Variants in CADM2 observed in about 807,000 individuals in gnomAD.
CADM2 encodes the protein immunoglobulin superfamily member 4D.
A neutral mutation model predicts 49.8 loss-of-function variants in CADM2; 12 were observed. The ratio of observed to expected loss-of-function variants is 0.24; its 90% CI spans 0.15 to 0.39. The LOEUF (loss-of-function observed/expected upper bound fraction) is 0.39, where lower values mean the gene tolerates loss of function less well. CADM2 is among the 10% of genes least tolerant of loss of function. The pLI is 1.00. For missense variants in CADM2, 378 were observed against 492.3 expected (o/e 0.77, Z 2.20); for synonymous variants, 214 against 175.4 (o/e 1.22, Z -1.74).
intron 1 of CADM2, among the ~76,000 whole-genome samples, chr3:85,436,169 A>G (rs2036919983): frequency 6.6e-6 from 1 of 151,976 alleles, no homozygotes; most frequent in African/African-American, 2.4e-5. Context: ...TAAGTATTTT[A>G]TTCTCTTTGT....
At chr3:85,207,882 C>T (rs2041688196) in intron 1 of CADM2, among the ~76,000 whole-genome samples, 1 of 152,076 alleles carries the variant, frequency 6.6e-6, no homozygotes, top group Non-Finnish European at 1.5e-5. Context: ...CATAAGAAAG[C>T]CCTCCTGTTT....
At chr3:84,982,462 A>G (rs12163548) in intron 1 of CADM2, among the ~76,000 whole-genome samples, 1 of 151,842 alleles carries the variant, frequency 6.6e-6, no homozygotes, top group African/African-American at 2.4e-5. Context: ...GTATTTCTAC[A>G]AAGAAGGTAC....
intron 5 of CADM2, among the ~76,000 whole-genome samples, chr3:85,898,955 ATTTTTTTTTTTTTTTT>A (rs35857247): frequency 2.9e-5 from 1 of 33,908 alleles, no homozygotes; most frequent in Non-Finnish European, 4.8e-5. Flanking sequence ...ATATATATAT[ATTTTTTTTTTTTTTTT>A]TTTTTTTTTT....
intron 1 of CADM2, among the ~76,000 whole-genome samples, chr3:85,591,649 G>A (rs2063111647): frequency 6.6e-6 from 1 of 151,974 alleles, no homozygotes; most frequent in African/African-American, 2.4e-5. Flanking sequence ...TAATAATGCA[G>A]CAGGGAAGGC....
chr3:85,134,527 C>T (rs1415405005), intron 1 of CADM2, among the ~76,000 whole-genome samples: 1 of 152,136 alleles, frequency 6.6e-6, no homozygotes, highest in African/African-American at 2.4e-5. Context: ...CATACTTAAC[C>T]ACAGTTTTTG....
intron 1 of CADM2, among the ~76,000 whole-genome samples, chr3:85,444,957 A>C (rs1034919657): frequency 6.6e-6 from 1 of 152,142 alleles, no homozygotes; most frequent in African/African-American, 2.4e-5. Context: ...TTTTTAGAAC[A>C]GTGTCTAGAG....
intron 1 of CADM2, among the ~76,000 whole-genome samples, chr3:85,327,593 A>ACAC (rs2044790805): frequency 3.4e-5 from 5 of 146,446 alleles, no homozygotes; most frequent in East Asian, 2.0e-4. Flanking sequence ...CACACACCAC[A>ACAC]CACACACACA....
intron 3 of CADM2, among the ~76,000 whole-genome samples, chr3:85,881,447 G>GT (rs558074925): frequency 6.6e-5 from 10 of 151,866 alleles, no homozygotes; most frequent in Admixed American, 3.3e-4. Flanking sequence ...TGACTAGTAA[G>GT]TTTTTTTTAT....
At chr3:85,055,538 C>G (rs1236990973) in intron 1 of CADM2, among the ~76,000 whole-genome samples, 1 of 152,010 alleles carries the variant, frequency 6.6e-6, no homozygotes, top group Non-Finnish European at 1.5e-5. Context: ...TGGCAATTCT[C>G]TTACACATTT....
intron 1 of CADM2, among the ~76,000 whole-genome samples, chr3:85,267,695 A>G (rs2043151913): frequency 6.6e-6 from 1 of 151,632 alleles, no homozygotes; most frequent in Admixed American, 6.6e-5. Context: ...TGAACTAATA[A>G]TATGCCTGAT....
chr3:85,657,735 TATATACAG>T (rs1230469974), intron 1 of CADM2, among the ~76,000 whole-genome samples: 61 of 128,154 alleles, frequency 4.8e-4, no homozygotes, highest in South Asian at 1.0e-3. Context: ...TACAGATATA[TATATACAG>T]ATATATATAT....
At chr3:85,595,093 G>T (rs185682426) in intron 1 of CADM2, among the ~76,000 whole-genome samples, 1 of 151,898 alleles carries the variant, frequency 6.6e-6, no homozygotes, top group Admixed American at 6.6e-5. Flanking sequence ...CCCTTTTTGC[G>T]TGCATTTATT....
chr3:85,667,932 TG>T (rs1207860009), intron 1 of CADM2, among the ~76,000 whole-genome samples: 1 of 152,034 alleles, frequency 6.6e-6, no homozygotes, highest in Non-Finnish European at 1.5e-5. Flanking sequence ...AAATAATTAT[TG>T]CACAATAAAT....
At chr3:85,757,888 G>A (rs73845641) in intron 2 of CADM2, among the ~76,000 whole-genome samples, 2,197 of 152,140 alleles carry the variant, frequency 0.014, 56 homozygotes, top group African/African-American at 0.051. Flanking sequence ...TAGTAGAGTG[G>A]GTTACTTTAT....
At chr3:86,014,582 A>T in intron 8 of CADM2, 1 of 1,600,628 alleles carries the variant, frequency 6.2e-7, no homozygotes, top group Non-Finnish European at 8.5e-7. Context: ...GTGTCCCAAC[A>T]GTGGAGCACA....
rs549268536 is a variant in CADM2 at position 85,370,702 on chromosome 3, C to A, written c.62-355820C>A. 6.6e-5 allele frequency among the ~76,000 whole-genome samples: 10 copies of A among 152,208 alleles called. No individual in the cohort carries two copies. The South Asian group carries it at 1.9e-3, about 28-fold the overall frequency. On this transcript the variant is annotated intron_variant, in intron 1 of 9. Coordinates refer to ENST00000383699, the MANE Select transcript of CADM2 (RefSeq NM_001167675.2). Reference sequence around the variant, plus strand: ...ATCATTATTTTTGAATGTATTTCTTCTACTTATAACATTAATTACTGTAAA... The same window carrying A: ...ATCATTATTTTTGAATGTATTTCTTATACTTATAACATTAATTACTGTAAA...
intron 1 of CADM2, among the ~76,000 whole-genome samples, chr3:85,527,709 A>G (rs2061194135): frequency 6.6e-6 from 1 of 152,162 alleles, no homozygotes. Context: ...TCTGTTATGC[A>G]TAATACAAAT....
At chr3:85,120,835 A>C (rs1019433978) in intron 1 of CADM2, among the ~76,000 whole-genome samples, 3 of 152,064 alleles carry the variant, frequency 2.0e-5, no homozygotes, top group Non-Finnish European at 4.4e-5. Context: ...GAAAATGAAA[A>C]TAAAAAAAAG....
At chr3:85,895,268 G>A (rs555841337) in intron 5 of CADM2, among the ~76,000 whole-genome samples, 27 of 152,296 alleles carry the variant, frequency 1.8e-4, no homozygotes, top group Admixed American at 8.5e-4. Flanking sequence ...GCATCAGTGC[G>A]ACCTGAATGT....
Sources: allele counts gnomAD v4.1 joint callset (sites outside exome capture counted in the v4.1 genomes callset), GRCh38; gene constraint gnomAD v4.1.1; transcripts MANE v1.5; gene names NCBI Gene and HGNC (gene_info 2026-07-23, HGNC 2026-07-21).